The following KLC4 variants were observed in gnomAD, a reference collection of about 807,000 sequenced individuals.
KLC4 encodes the protein kinesin-like protein 8.
In KLC4, 49 loss-of-function variants were observed where a neutral mutation model predicts 77.2. The ratio of observed to expected loss-of-function variants is 0.63; its 90% confidence interval spans 0.50 to 0.80. The LOEUF is 0.80. Among genes scored for constraint, KLC4 ranks in the 30% least tolerant of loss-of-function variants. The pLI is 0.00. For missense variants in KLC4, 669 were observed against 793.5 expected (o/e 0.84, Z 1.89); for synonymous variants, 274 against 314.5 (o/e 0.87, Z 1.36).
At chr6:43,070,586 C>G in intron 7 of KLC4, 106 bp from the exon 8 acceptor site, 1 of 1,434,156 alleles carries the variant, frequency 7.0e-7, no homozygotes, top group Non-Finnish European at 9.7e-7. Context: ...TTCCTTCATT[C>G]CCTTTCCTCT....
At position 43,067,079 on chromosome 6, in the gene KLC4, C is replaced by T. The variant is rs2150354692; in HGVS notation, c.875C>T (p.Pro292Leu). The T allele has an allele frequency of 6.2e-7, 1 of 1,614,144 alleles. No individual in the cohort carries two copies. The highest frequency in any genetic ancestry group is 8.5e-7 in the Non-Finnish European group (1 of 1,180,016). Reference sequence around the variant, plus strand: ...GAGAGCACCTTGGGACCTGACCATCCTGCTGTCAGTATTCCTTGCCCTCCC... The same window carrying T: ...GAGAGCACCTTGGGACCTGACCATCTTGCTGTCAGTATTCCTTGCCCTCCC... ...IRESTLGPDH[P>L]AVAATLNNLA... The change falls in exon 6 of 16, where the codon CCT (proline) becomes CTT (leucine). Residue 292 changes from proline to leucine, a missense_variant. Transcript: ENST00000347162.
chr6:43,071,686 G>A (rs1002790431), intron 10 of KLC4, 67 bp downstream of exon 10: 2 of 1,533,234 alleles, frequency 1.3e-6, no homozygotes, highest in African/African-American at 1.4e-5. Context: ...CTTACTCCTT[G>A]CATTAGCCCA....
Position 43,066,414 on chromosome 6 carries a change from A to G in KLC4, c.680A>G (p.Tyr227Cys). The G allele has an allele frequency of 6.2e-7, 1 of 1,614,200 alleles. No individual in the cohort carries two copies. Residue 227 changes from tyrosine (Y) to cysteine (C), a missense_variant, in exon 5 of 16, where the codon TAT (tyrosine) becomes TGT (cysteine). Physicochemically the swap from Tyr to Cys is radical, Grantham distance 194. Transcript: ENST00000347162. The stretch of plus-strand genomic sequence containing the variant: ...ATCCAGTACGCAGCCCAAGGTCGCT[A>G]TGAGGTGGCCGTGCCACTCTGTAAG... Reference protein sequence around the residue: ...LVIQYAAQGRYEVAVPLCKQA... With the variant: ...LVIQYAAQGRCEVAVPLCKQA...
rs1765816365 is a variant in KLC4, at chr6:43,073,238, C to T, written c.1645C>T (p.Leu549=). 6.2e-7 allele frequency: 1 copy of T among 1,613,838 alleles called. No individual in the cohort carries two copies. ...TTTCTGCCAGGATGGCAGTGGGACC[C>T]TGCAGAGGAGTGGCTCTCTTGGCAA... ...VEWSGDGSGT[L]QRSGSLGKIR... is the part of the protein sequence containing the mutation. The change falls in exon 14 of 16, where the codon CTG becomes TTG. Residue 549 remains leucine, a synonymous_variant. Coordinates refer to ENST00000347162, the MANE Select transcript of KLC4 (RefSeq NM_201521.3).
At chr6:43,065,439 T>A in intron 3 of KLC4, 181 bp from the exon 4 acceptor site, 1 of 536,902 alleles carries the variant, frequency 1.9e-6, no homozygotes, top group Admixed American at 3.1e-5. Context: ...CATCTCTGGC[T>A]GTTACAAACA....
chr6:43,071,097 C>T (rs999393207), intron 8 of KLC4, among the ~76,000 whole-genome samples, 178 bp from the exon 9 acceptor site: 1 of 151,494 alleles, frequency 6.6e-6, no homozygotes, highest in African/African-American at 2.4e-5. Flanking sequence ...GCTGGGAATA[C>T]CCTTGACCCT....
intron 13 of KLC4, 93 bp downstream of exon 13, chr6:43,073,057 T>A: frequency 1.4e-6 from 2 of 1,476,094 alleles, no homozygotes; most frequent in South Asian, 2.7e-5. Context: ...CTAGGTAGTG[T>A]ATTCCTTCAG....
chr6:43,068,647 A>G (rs1284874246), intron 6 of KLC4, among the ~76,000 whole-genome samples: 1 of 150,412 alleles, frequency 6.6e-6, no homozygotes, highest in African/African-American at 2.4e-5. Context: ...GTCTCTACTA[A>G]AAAAAAAATA....
chr6:43,060,756 T>A (rs1490720408), intron 1 of KLC4, among the ~76,000 whole-genome samples: 1 of 152,222 alleles, frequency 6.6e-6, no homozygotes, highest in Non-Finnish European at 1.5e-5. Flanking sequence ...GTTCTGCAGG[T>A]GATGCAGCCT....
At chr6:43,060,909 C>G (rs1007047532) in intron 1 of KLC4, among the ~76,000 whole-genome samples, 6 of 152,172 alleles carry the variant, frequency 3.9e-5, no homozygotes, top group Non-Finnish European at 8.8e-5. Context: ...TTCTGCATAT[C>G]TCCCACTTTA....
chr6:43,072,975 T>C lies in KLC4; in HGVS notation c.1629+11T>C, dbSNP rs779701940. ...GTGGAGTGGTCCGGGGTAAGTCTGA[T>C]CATTGCCTTTTCATCTCTCCTGCCC... is the stretch of plus-strand genomic sequence containing the variant. On this transcript the variant is annotated intron_variant, in intron 13 of 15. Coordinates refer to ENST00000347162, the MANE Select transcript of KLC4 (RefSeq NM_201521.3). 1.3e-6 allele frequency: 2 copies of C among 1,575,288 alleles called. No individual in the cohort carries two copies. Among genetic ancestry groups the C allele is most frequent in the Admixed American group, 1.9e-5 (1 of 53,638 alleles).
In KLC4 at chr6:43,074,888, C is replaced by G; in HGVS notation, c.*216C>G. ...CACCCTCTCTGCACCCTGTGGTCCT[C>G]TAGAGTAGCTAGCTCTGAGGCCCCA... On this transcript the variant is annotated 3_prime_UTR_variant, in exon 16 of 16. Transcript: ENST00000347162. 1.8e-6 allele frequency: 1 copy of G among 568,274 alleles called. No homozygotes were observed. The highest frequency in any genetic ancestry group is 2.0e-5 in the South Asian group (1 of 49,360). 35.2% of individuals were successfully genotyped at this position (568,274 alleles called of 1,614,324 possible).
intron 3 of KLC4, 26 bp downstream of exon 3, chr6:43,063,173 T>G: frequency 6.4e-7 from 1 of 1,572,122 alleles, no homozygotes; most frequent in Non-Finnish European, 8.7e-7. Context: ...CGAGACTGGC[T>G]GAGGGGTGGG....
chr6:43,071,581 A>G lies in KLC4; in HGVS notation c.1270A>G (p.Ile424Val). The change falls in exon 10 of 16, where the codon ATC (isoleucine) becomes GTC (valine). Residue 424 changes from isoleucine (I) to valine (V), a missense_variant. Physicochemically the swap from Ile to Val is conservative, Grantham distance 29. Coordinates refer to ENST00000347162, the MANE Select transcript of KLC4 (RefSeq NM_201521.3). ...ATCACCCCTAGATGACCACAAGCCC[A>G]TCTGGATGCATGCAGAGGAGCGGGA... Reference protein sequence around the residue: ...FGSVDDDHKPIWMHAEEREEM... With the variant: ...FGSVDDDHKPVWMHAEEREEM... The G allele has an allele frequency of 6.2e-7, 1 of 1,613,592 alleles. No homozygotes were observed. Among genetic ancestry groups the G allele is most frequent in the East Asian group, 2.2e-5 (1 of 44,858 alleles).
chr6:43,060,463 G>A, intron 1 of KLC4: 4 of 1,397,440 alleles, frequency 2.9e-6, no homozygotes, highest in Non-Finnish European at 3.7e-6. Flanking sequence ...CCTCTGGGTA[G>A]CTGTGAAGTG....
chr6:43,060,150 G>A, intron 1 of KLC4: 3 of 1,604,424 alleles, frequency 1.9e-6, no homozygotes, highest in Non-Finnish European at 1.7e-6. Flanking sequence ...CATTGTGGAG[G>A]CACCCTACGG....
intron 3 of KLC4, among the ~76,000 whole-genome samples, chr6:43,063,767 T>C (rs1765286837): frequency 6.6e-6 from 1 of 151,712 alleles, no homozygotes; most frequent in Non-Finnish European, 1.5e-5. Context: ...TTGGCCAGGC[T>C]GGTTTTGAAC....
rs929844693 is a variant in KLC4 at position 43,059,923 on chromosome 6, G to A, written c.-26+238G>A. Reference sequence around the variant, plus strand: ...GACCTCGGGGTCGTTAGGCCTCCACGTCCTCGCTGGAGCTGCGGACCTCAG... The same window carrying A: ...GACCTCGGGGTCGTTAGGCCTCCACATCCTCGCTGGAGCTGCGGACCTCAG... On this transcript the variant is annotated intron_variant, in intron 1 of 15. Coordinates refer to ENST00000347162, the MANE Select transcript of KLC4 (RefSeq NM_201521.3). The A allele has an allele frequency of 3.2e-6, 4 of 1,264,650 alleles. No homozygotes were observed. In the Admixed American group the frequency reaches 1.2e-4, roughly 37 times the overall value. 78.3% of individuals were successfully genotyped at this position (1,264,650 alleles called of 1,614,324 possible).
At chr6:43,073,425 T>A in intron 14 of KLC4, 87 bp downstream of exon 14, 1 of 870,338 alleles carries the variant, frequency 1.1e-6, no homozygotes. Context: ...CCGAGGCGGG[T>A]GGATCACCTG....
Sources: gnomAD v4.1 joint callset for allele counts (sites outside exome capture counted in the v4.1 genomes callset) on GRCh38, gnomAD v4.1.1 for gene constraint, MANE v1.5 for transcripts, NCBI Gene and HGNC (gene_info 2026-07-23, HGNC 2026-07-21) for gene names.